FAM204A: variants seen among roughly 807,000 people sequenced by gnomAD.
FAM204A encodes the protein family with sequence similarity 204 member A.
In FAM204A, 16 loss-of-function variants were observed where a neutral mutation model predicts 35.4. The observed-to-expected ratio is 0.45, with a 90% CI of 0.31 to 0.69. The LOEUF (loss-of-function observed/expected upper bound fraction) is 0.69, where lower values mean the gene tolerates loss of function less well. Among genes scored for constraint, FAM204A ranks in the 30% least tolerant of loss-of-function variants. FAM204A has a pLI of 0.07. For synonymous variants in FAM204A, 76 were observed against 86.9 expected (o/e 0.88, Z 0.70); for missense variants, 240 against 265.7 (o/e 0.90, Z 0.67).
At chr10:118,337,470 A>G (rs1230799658) in intron 2 of FAM204A, among the ~76,000 whole-genome samples, 9 of 152,346 alleles carry the variant, frequency 5.9e-5, no homozygotes, top group African/African-American at 2.2e-4. Context: ...CAAACACATC[A>G]GGGATTTTGT....
At chr10:118,323,091 C>T (rs911594813) in intron 7 of FAM204A, among the ~76,000 whole-genome samples, 1 of 152,056 alleles carries the variant, frequency 6.6e-6, no homozygotes. Flanking sequence ...GTTGGTCAGT[C>T]ACTTGCTACT....
chr10:118,326,524 G>C (rs746899070), intron 6 of FAM204A, among the ~76,000 whole-genome samples: 9 of 152,208 alleles, frequency 5.9e-5, no homozygotes, highest in Non-Finnish European at 1.0e-4. Flanking sequence ...CAACAATAAT[G>C]TTAATGATAA....
At chr10:118,333,450 A>G (rs1846323118) in intron 6 of FAM204A, among the ~76,000 whole-genome samples, 1 of 152,192 alleles carries the variant, frequency 6.6e-6, no homozygotes, top group South Asian at 2.1e-4. Context: ...AGCATCTCCA[A>G]TGTGGACATT....
Position 118,337,757 on chromosome 10 carries a change from GCTATT to G in FAM204A, c.-8-1339_-8-1335del, listed in dbSNP as rs567989300. Among the ~76,000 whole-genome samples, 18 of 152,254 alleles carry G rather than the reference GCTATT, an allele frequency of 1.2e-4. No homozygotes were observed. The South Asian group carries it at 3.5e-3, about 30-fold the overall frequency. ...CAGGGATAATTATACTGCTTATAGG[GCTATT>G]CTGAGGATTAAATGAGATAAGCCCC... On this transcript the variant is annotated intron_variant, in intron 2 of 8. Transcript: ENST00000369183.
chr10:118,342,035 A>C (rs905186415), intron 1 of FAM204A, 108 bp from the exon 2 acceptor site: 1 of 152,284 alleles, frequency 6.6e-6, no homozygotes, highest in Non-Finnish European at 1.5e-5. Context: ...CCCCCTCCAC[A>C]TAACAGGCTG....
chr10:118,324,767 G>T (rs1391603292), intron 7 of FAM204A, among the ~76,000 whole-genome samples: 1 of 151,962 alleles, frequency 6.6e-6, no homozygotes, highest in African/African-American at 2.4e-5. Context: ...AGTGATGGTT[G>T]GACAGCAATG....
chr10:118,322,705 T>A (rs1300960119), intron 7 of FAM204A, among the ~76,000 whole-genome samples: 2 of 152,148 alleles, frequency 1.3e-5, no homozygotes, highest in Non-Finnish European at 2.9e-5. Context: ...TGTTGTAAAA[T>A]GTTAGCATTT....
At chr10:118,335,664 G>A (rs1846372733) in intron 3 of FAM204A, 23 bp from the exon 4 acceptor site, 3 of 1,523,878 alleles carry the variant, frequency 2.0e-6, no homozygotes, top group African/African-American at 2.8e-5. Context: ...AAAAAAAATT[G>A]AGAAGCAAAT....
At chr10:118,327,973 C>T (rs148571646) in intron 6 of FAM204A, among the ~76,000 whole-genome samples, 1 of 152,096 alleles carries the variant, frequency 6.6e-6, no homozygotes, top group African/African-American at 2.4e-5. Flanking sequence ...TTAAAAACAA[C>T]AACAAAACAG....
intron 7 of FAM204A, 151 bp downstream of exon 7, chr10:118,326,003 T>C (rs1846192173): frequency 1.7e-6 from 1 of 603,392 alleles, no homozygotes; most frequent in Non-Finnish European, 2.8e-6. Flanking sequence ...CATTTCAAAA[T>C]AAATGACAGA....
chr10:118,336,112 C>T (rs954002058), intron 3 of FAM204A, 70 bp downstream of exon 3: 1 of 1,539,492 alleles, frequency 6.5e-7, no homozygotes, highest in Admixed American at 1.9e-5. Context: ...ACATTCTGAC[C>T]AGGGCAGAGA....
At chr10:118,340,289 C>A (rs1038313935) in intron 2 of FAM204A, among the ~76,000 whole-genome samples, 2 of 152,240 alleles carry the variant, frequency 1.3e-5, no homozygotes, top group South Asian at 4.1e-4. Context: ...AAAAACCGTT[C>A]TAGATTGTGC....
At chr10:118,334,997 T>C (rs528696427) in intron 6 of FAM204A, 117 bp downstream of exon 6, 1 of 665,314 alleles carries the variant, frequency 1.5e-6, no homozygotes, top group African/African-American at 1.8e-5. Flanking sequence ...GCACCCTTTT[T>C]GGTATGCAGT....
intron 7 of FAM204A, among the ~76,000 whole-genome samples, chr10:118,324,035 A>G (rs2133278777): frequency 6.6e-6 from 1 of 152,208 alleles, no homozygotes; most frequent in Admixed American, 6.5e-5. Flanking sequence ...TAACACTGAA[A>G]TCCTACTGAG....
intron 2 of FAM204A, chr10:118,337,179 A>C: frequency 1.1e-6 from 1 of 922,212 alleles, no homozygotes; most frequent in Non-Finnish European, 1.3e-6. Flanking sequence ...GACTTAAAAT[A>C]GCAGAATTGT....
chr10:118,318,986 A>T (rs980996119), intron 7 of FAM204A, among the ~76,000 whole-genome samples: 6 of 151,560 alleles, frequency 4.0e-5, no homozygotes, highest in African/African-American at 1.5e-4. Flanking sequence ...AGATAACAGC[A>T]CTTACATCTA....
intron 7 of FAM204A, among the ~76,000 whole-genome samples, chr10:118,323,470 G>A (rs11198363): frequency 0.17 from 25,644 of 151,992 alleles, 2,342 homozygotes; most frequent in Middle Eastern, 0.31. Flanking sequence ...TATCTAGAAG[G>A]TTCTGTTTCT....
chr10:118,319,877 T>A (rs1349876789), intron 7 of FAM204A, among the ~76,000 whole-genome samples: 2 of 151,964 alleles, frequency 1.3e-5, no homozygotes, highest in African/African-American at 4.8e-5. Context: ...GAGTCAGGTT[T>A]ACTCTGCCTT....
intron 2 of FAM204A, among the ~76,000 whole-genome samples, chr10:118,339,027 G>GA (rs1017755208): frequency 1.3e-5 from 2 of 151,732 alleles, no homozygotes; most frequent in African/African-American, 2.4e-5. Context: ...GTACCCAAAG[G>GA]AAAAAAAATT....
Sources: allele counts gnomAD v4.1 joint callset (sites outside exome capture counted in the v4.1 genomes callset), GRCh38; gene constraint gnomAD v4.1.1; transcripts MANE v1.5; gene names NCBI Gene and HGNC (gene_info 2026-07-23, HGNC 2026-07-21).